PPP1R1C: variants seen among roughly 807,000 people sequenced by gnomAD.
PPP1R1C encodes the protein protein phosphatase 1 regulatory inhibitor subunit 1C.
In PPP1R1C, 15 loss-of-function variants were observed where a neutral mutation model predicts 17.4. The observed-to-expected ratio is 0.86, with a 90% CI of 0.58 to 1.33. PPP1R1C has a LOEUF of 1.33. PPP1R1C is among the 40% of genes most tolerant of loss of function. The pLI is 0.00. For missense variants in PPP1R1C, 143 were observed against 130.0 expected, an observed-to-expected ratio of 1.10 and a Z score of -0.48; for synonymous variants, 35 against 43.1, an observed-to-expected ratio of 0.81 and a Z score of 0.73.
chr2:182,109,912 T>TA (rs972667979), intron 4 of PPP1R1C, among the ~76,000 whole-genome samples: 6 of 152,170 alleles, frequency 3.9e-5, no homozygotes, highest in Admixed American at 3.9e-4. Context: ...TTGTGCTCCA[T>TA]AAAAAGCATA....
chr2:182,054,056 T>A (rs548914927), intron 2 of PPP1R1C, among the ~76,000 whole-genome samples: 1 of 152,342 alleles, frequency 6.6e-6, no homozygotes, highest in East Asian at 1.9e-4. Context: ...TTTCATGTAT[T>A]TTATATCTTT....
intron 4 of PPP1R1C, among the ~76,000 whole-genome samples, chr2:182,086,995 A>G (rs903545745): frequency 4.6e-5 from 7 of 151,906 alleles, no homozygotes; most frequent in African/African-American, 1.7e-4. Flanking sequence ...CTAGTTGCAC[A>G]GGCCAAACAC....
At chr2:182,034,762 T>G (rs532801675) in intron 2 of PPP1R1C, among the ~76,000 whole-genome samples, 1 of 152,312 alleles carries the variant, frequency 6.6e-6, no homozygotes, top group African/African-American at 2.4e-5. Context: ...CTCATCAAAC[T>G]TATCCAAAGA....
chr2:182,014,337 C>T (rs1686188403), intron 2 of PPP1R1C, among the ~76,000 whole-genome samples: 1 of 152,212 alleles, frequency 6.6e-6, no homozygotes, highest in Admixed American at 6.5e-5. Flanking sequence ...ATCTGAGGGA[C>T]TTTCCTAGAT....
intron 2 of PPP1R1C, among the ~76,000 whole-genome samples, chr2:182,030,419 T>C (rs1041191669): frequency 4.0e-5 from 6 of 151,484 alleles, no homozygotes; most frequent in Admixed American, 1.3e-4. Flanking sequence ...GTTTGTTAGT[T>C]TTCCTTCTAA....
At chr2:182,007,910 TA>T (rs1295958866) in intron 2 of PPP1R1C, among the ~76,000 whole-genome samples, 2 of 151,774 alleles carry the variant, frequency 1.3e-5, no homozygotes, top group African/African-American at 2.4e-5. Flanking sequence ...AAAATAATTT[TA>T]AAAAAACTTA....
chr2:182,013,759 A>C (rs752414478), intron 2 of PPP1R1C, among the ~76,000 whole-genome samples: 20 of 152,080 alleles, frequency 1.3e-4, no homozygotes, highest in Non-Finnish European at 2.2e-4. Context: ...TGTATTTTCA[A>C]ATAGCCTACC....
chr2:182,125,446 A>G (rs531024574), intron 5 of PPP1R1C, among the ~76,000 whole-genome samples: 2 of 151,810 alleles, frequency 1.3e-5, no homozygotes, highest in East Asian at 3.9e-4. Context: ...CTCTTTTTCT[A>G]TGTTTGGAAT....
chr2:181,993,219 A>G (rs1685516178), intron 2 of PPP1R1C, among the ~76,000 whole-genome samples: 1 of 152,194 alleles, frequency 6.6e-6, no homozygotes, highest in Non-Finnish European at 1.5e-5. Flanking sequence ...GGTCAACAAA[A>G]TGAAAGTAGA....
chr2:182,037,487 T>C (rs935519196), intron 2 of PPP1R1C, among the ~76,000 whole-genome samples: 2 of 151,586 alleles, frequency 1.3e-5, no homozygotes, highest in African/African-American at 4.9e-5. Flanking sequence ...CTCGGGAGGC[T>C]GAGGCAGGAG....
At chr2:182,034,335 G>A (rs542879709) in intron 2 of PPP1R1C, among the ~76,000 whole-genome samples, 9 of 152,208 alleles carry the variant, frequency 5.9e-5, no homozygotes, top group South Asian at 2.1e-4. Flanking sequence ...CTTAGTCTAG[G>A]TGGTCCAAGA....
intron 1 of PPP1R1C, among the ~76,000 whole-genome samples, chr2:181,972,764 C>T (rs968120759): frequency 6.6e-6 from 1 of 152,128 alleles, no homozygotes; most frequent in Non-Finnish European, 1.5e-5. Context: ...GTTTTAATTT[C>T]TATTTTCTAT....
At chr2:182,025,286 C>A (rs1347328340) in intron 2 of PPP1R1C, among the ~76,000 whole-genome samples, 4 of 144,504 alleles carry the variant, frequency 2.8e-5, no homozygotes, top group African/African-American at 1.0e-4. Context: ...TATACATGTG[C>A]CATGCTGGTG....
chr2:182,007,906 A>G (rs1272578160), intron 2 of PPP1R1C, among the ~76,000 whole-genome samples: 4 of 151,968 alleles, frequency 2.6e-5, no homozygotes, highest in African/African-American at 9.7e-5. Flanking sequence ...GCTAAAAATA[A>G]TTTTAAAAAA....
At chr2:182,037,501 C>T (rs780205029) in intron 2 of PPP1R1C, among the ~76,000 whole-genome samples, 20 of 151,610 alleles carry the variant, frequency 1.3e-4, no homozygotes, top group Non-Finnish European at 2.9e-5. Flanking sequence ...GCAGGAGAAT[C>T]GCTTGAACCT....
intron 1 of PPP1R1C, chr2:181,954,639 G>A (rs539029804): frequency 9.9e-5 from 15 of 152,132 alleles, no homozygotes; most frequent in African/African-American, 3.6e-4. Flanking sequence ...CAAAAGGTTA[G>A]GAAAAAATTC....
At chr2:182,095,019 G>A (rs987903947) in intron 4 of PPP1R1C, among the ~76,000 whole-genome samples, 7 of 152,156 alleles carry the variant, frequency 4.6e-5, no homozygotes, top group Non-Finnish European at 7.4e-5. Flanking sequence ...GGCCAGGAGC[G>A]GTTGCTCATG....
Position 182,041,888 on chromosome 2 carries a change from A to G in PPP1R1C, c.143-19554A>G, listed in dbSNP as rs112090975. Among the ~76,000 whole-genome samples the G allele has an allele frequency of 3.3e-5, 5 of 152,270 alleles. 1 individual carries two copies. Among genetic ancestry groups the G allele is most frequent in the African/African-American group, 1.2e-4 (5 of 41,562 alleles). On this transcript the variant is annotated intron_variant, in intron 2 of 4. Coordinates refer to ENST00000682840, the MANE Select transcript of PPP1R1C (RefSeq NM_001080545.3). Reference sequence around the variant, plus strand: ...TGCTTTTGGCAGCTTTATAGTGCTTAAAGTTTAATTTATAATGTATTTATC... The same window carrying G: ...TGCTTTTGGCAGCTTTATAGTGCTTGAAGTTTAATTTATAATGTATTTATC...
intron 5 of PPP1R1C, among the ~76,000 whole-genome samples, chr2:182,126,356 T>G (rs1423656432): frequency 2.0e-5 from 3 of 152,040 alleles, no homozygotes; most frequent in African/African-American, 7.2e-5. Context: ...AACTCAGTGA[T>G]TCCAAAAACC....
Sources: allele counts gnomAD v4.1 joint callset (sites outside exome capture counted in the v4.1 genomes callset), GRCh38; gene constraint gnomAD v4.1.1; transcripts MANE v1.5; gene names NCBI Gene and HGNC (gene_info 2026-07-23, HGNC 2026-07-21).